Variants in CEP128 observed in about 807,000 individuals in gnomAD.
CEP128 encodes centrosomal protein 128kDa.
Under a neutral mutation model 156.7 loss-of-function variants are expected in CEP128, and 132 were observed. The ratio of observed to expected loss-of-function variants is 0.84; its 90% confidence interval spans 0.73 to 0.97. CEP128 has a LOEUF of 0.97. Among genes scored for constraint, CEP128 ranks in the 50% least tolerant of loss-of-function variants. The probability of loss-of-function intolerance (pLI) is 0.00; values close to 1 mark genes in which losing one functional copy is unlikely to be tolerated. For synonymous variants in CEP128, 469 were observed against 448.9 expected, an observed-to-expected ratio of 1.04 and a Z score of -0.57; for missense variants, 1,252 against 1,281.9, an observed-to-expected ratio of 0.98 and a Z score of 0.36.
intron 19 of CEP128, among the ~76,000 whole-genome samples, chr14:80,722,621 CA>C (rs1183845299): frequency 2.6e-5 from 4 of 151,702 alleles, no homozygotes; most frequent in Non-Finnish European, 5.9e-5. Context: ...AAGCATTTAA[CA>C]GCTATAAAAC....
At chr14:80,526,835 C>A in intron 23 of CEP128, 34 bp downstream of exon 23, 2 of 1,248,754 alleles carry the variant, frequency 1.6e-6, no homozygotes, top group Non-Finnish European at 2.3e-6. Flanking sequence ...ATGGATACTA[C>A]TTAAAGACTA....
At chr14:80,628,683 G>A (rs1450179069) in intron 19 of CEP128, among the ~76,000 whole-genome samples, 2 of 152,144 alleles carry the variant, frequency 1.3e-5, no homozygotes, top group African/African-American at 4.8e-5. Flanking sequence ...GTCAATGAGA[G>A]TAACACAATC....
intron 19 of CEP128, among the ~76,000 whole-genome samples, chr14:80,586,540 C>CA (rs1185925011): frequency 6.6e-6 from 1 of 152,152 alleles, no homozygotes; most frequent in Non-Finnish European, 1.5e-5. Flanking sequence ...ATTGAAATGA[C>CA]ACAGTATTCC....
At chr14:80,681,788 A>T (rs2139254764) in intron 19 of CEP128, among the ~76,000 whole-genome samples, 1 of 152,300 alleles carries the variant, frequency 6.6e-6, no homozygotes, top group East Asian at 1.9e-4. Context: ...TAAAGTACAC[A>T]GTCTCAGGCA....
intron 14 of CEP128, among the ~76,000 whole-genome samples, chr14:80,791,369 G>A (rs1901696029): frequency 6.6e-6 from 1 of 152,096 alleles, no homozygotes; most frequent in Non-Finnish European, 1.5e-5. Context: ...GAAGTATTCT[G>A]GGAAATGATT....
At chr14:80,480,970 T>C (rs548045851) in intron 14 of CEP128, among the ~76,000 whole-genome samples, 9 of 152,256 alleles carry the variant, frequency 5.9e-5, no homozygotes, top group Admixed American at 3.3e-4. Flanking sequence ...CCATTCAACA[T>C]GTCTCTAGGA....
intron 13 of CEP128, among the ~76,000 whole-genome samples, chr14:80,808,076 A>T (rs1884288831): frequency 6.6e-6 from 1 of 152,170 alleles, no homozygotes; most frequent in Admixed American, 6.5e-5. Flanking sequence ...AGGAGAAGTG[A>T]CCCCACCACC....
chr14:80,673,607 C>T (rs1177435295), intron 19 of CEP128, among the ~76,000 whole-genome samples: 13 of 125,742 alleles, frequency 1.0e-4, no homozygotes, highest in African/African-American at 3.8e-4. Flanking sequence ...GATCCCGCCA[C>T]TGCACTCCAG....
chr14:80,845,857 T>C (rs770025747), intron 9 of CEP128, among the ~76,000 whole-genome samples: 1 of 152,194 alleles, frequency 6.6e-6, no homozygotes, highest in Non-Finnish European at 1.5e-5. Context: ...AAATGGGCTT[T>C]ATAAACAGAT....
rs544217370 is a variant in CEP128, at chr14:80,705,952, A to G, written c.2806+37123T>C. ...TCTGTGATAATTTTTGGTAACAATAATGACAGGTACAAGGATGTTGTGTTG... is the reference window on the plus strand; with the variant it reads ...TCTGTGATAATTTTTGGTAACAATAGTGACAGGTACAAGGATGTTGTGTTG... On this transcript the variant is annotated intron_variant, in intron 19 of 24. Coordinates refer to ENST00000555265, the MANE Select transcript of CEP128 (RefSeq NM_152446.5). Among the ~76,000 whole-genome samples, 7 of 152,298 alleles carry G rather than the reference A, an allele frequency of 4.6e-5. No homozygotes were observed. In the South Asian group the frequency reaches 1.0e-3, roughly 23 times the overall value.
intron 8 of CEP128, among the ~76,000 whole-genome samples, chr14:80,877,429 A>G (rs117614040): frequency 0.049 from 7,395 of 152,324 alleles, 201 homozygotes; most frequent in Middle Eastern, 0.068. Flanking sequence ...AAGATATCAA[A>G]TTCAAGAAAT....
chr14:80,815,467 G>A (rs1884797536), intron 13 of CEP128, among the ~76,000 whole-genome samples: 1 of 152,118 alleles, frequency 6.6e-6, no homozygotes, highest in Non-Finnish European at 1.5e-5. Context: ...CACTGTTGAT[G>A]GAAATGTAAA....
intron 19 of CEP128, among the ~76,000 whole-genome samples, chr14:80,698,249 G>C (rs1896955400): frequency 6.6e-6 from 1 of 151,936 alleles, no homozygotes. Flanking sequence ...ATTGAACACA[G>C]TGTACTACTC....
chr14:80,711,086 G>A (rs1180683381), intron 19 of CEP128, among the ~76,000 whole-genome samples: 1 of 152,028 alleles, frequency 6.6e-6, no homozygotes, highest in Non-Finnish European at 1.5e-5. Context: ...AATTTTGTTT[G>A]TTTTTCTGTT....
intron 19 of CEP128, among the ~76,000 whole-genome samples, chr14:80,643,211 C>T (rs1386049652): frequency 1.3e-5 from 2 of 152,122 alleles, no homozygotes; most frequent in East Asian, 3.8e-4. Context: ...TGCCTTAAAA[C>T]CTAATTTAAC....
chr14:80,535,192 T>C (rs1356815669), intron 21 of CEP128, among the ~76,000 whole-genome samples: 2 of 152,100 alleles, frequency 1.3e-5, no homozygotes, highest in African/African-American at 4.8e-5. Flanking sequence ...CCATAAGAGA[T>C]AGGTACGTAT....
intron 19 of CEP128, among the ~76,000 whole-genome samples, chr14:80,716,294 A>G (rs1897602461): frequency 6.6e-6 from 1 of 152,230 alleles, no homozygotes; most frequent in African/African-American, 2.4e-5. Context: ...ACAGAGGTGT[A>G]CAACCATCAC....
chr14:80,727,901 A>T (rs764679983), intron 19 of CEP128, among the ~76,000 whole-genome samples: 4 of 152,200 alleles, frequency 2.6e-5, no homozygotes, highest in Non-Finnish European at 4.4e-5. Flanking sequence ...GAATGCTTAT[A>T]CACTGCTGGT....
chr14:80,739,594 A>C lies in CEP128; in HGVS notation c.2806+3481T>G, dbSNP rs866963613. 2.6e-5 allele frequency among the ~76,000 whole-genome samples: 4 copies of C among 152,132 alleles called. No homozygotes were observed. The Middle Eastern group carries it at 0.014, about 517-fold the overall frequency. On this transcript the variant is annotated intron_variant, in intron 19 of 24. Coordinates refer to ENST00000555265, the MANE Select transcript of CEP128 (RefSeq NM_152446.5). Reference sequence around the variant, plus strand: ...ATACTCTAAAAGTTATAGTCATTCTACTCTTAAAGACTGAGACTATTTTAG... The same window carrying C: ...ATACTCTAAAAGTTATAGTCATTCTCCTCTTAAAGACTGAGACTATTTTAG...
Sources: allele counts gnomAD v4.1 joint callset (sites outside exome capture counted in the v4.1 genomes callset), GRCh38; gene constraint gnomAD v4.1.1; transcripts MANE v1.5; gene names NCBI Gene and HGNC (gene_info 2026-07-23, HGNC 2026-07-21).